Variants in DIAPH1 observed in about 807,000 individuals in gnomAD.
DIAPH1 encodes diaphanous related formin 1.
Under a neutral mutation model 140.7 loss-of-function variants are expected in DIAPH1, and 46 were observed. The observed-to-expected ratio is 0.33, with a 90% CI of 0.26 to 0.42. DIAPH1 has a LOEUF of 0.42. Among genes scored for constraint, DIAPH1 ranks in the 10% least tolerant of loss-of-function variants. DIAPH1 has a pLI of 1.00. For missense variants in DIAPH1, 1,310 were observed against 1,558.7 expected, an observed-to-expected ratio of 0.84 and a Z score of 2.69; for synonymous variants, 565 against 551.6, an observed-to-expected ratio of 1.02 and a Z score of -0.34.
At chr5:141,617,581 C>A (rs909727946) in intron 1 of DIAPH1, among the ~76,000 whole-genome samples, 2 of 152,114 alleles carry the variant, frequency 1.3e-5, no homozygotes, top group African/African-American at 4.8e-5. Context: ...CTAAGAGTTA[C>A]AAGCCATTTG....
chr5:141,535,034 T>C (rs1486922098), intron 18 of DIAPH1, among the ~76,000 whole-genome samples: 1 of 152,200 alleles, frequency 6.6e-6, no homozygotes, highest in East Asian at 1.9e-4. Context: ...CTTGCAGCCT[T>C]GACCTCTTGG....
intron 16 of DIAPH1, 84 bp from the exon 17 acceptor site, chr5:141,572,124 G>C (rs920526828): frequency 3.2e-6 from 3 of 948,304 alleles, no homozygotes; most frequent in Non-Finnish European, 5.2e-6. Flanking sequence ...CTGTAAAATA[G>C]GTGGCTGGCT....
Position 141,545,565 on chromosome 5 carries a change from G to C in DIAPH1, c.2483-11132C>G, listed in dbSNP as rs2099890670. Among the ~76,000 whole-genome samples the C allele has an allele frequency of 2.6e-5, 4 of 152,126 alleles. No individual in the cohort carries two copies. The South Asian group carries it at 8.3e-4, about 32-fold the overall frequency. ...AAGCTGAGGTAGGAGGATCCCCTGA[G>C]CCCAGAAGGCTGAGGCTGCTGTGAG... is the stretch of plus-strand genomic sequence containing the variant. On this transcript the variant is annotated intron_variant, in intron 18 of 27. Transcript: ENST00000389054.
chr5:141,530,541 G>A (rs536650769), intron 19 of DIAPH1, among the ~76,000 whole-genome samples: 1 of 152,188 alleles, frequency 6.6e-6, no homozygotes, highest in South Asian at 2.1e-4. Flanking sequence ...GGGCCTCCGC[G>A]CTGTTAGCAA....
At chr5:141,615,726 G>A (rs1302729053) in intron 1 of DIAPH1, among the ~76,000 whole-genome samples, 1 of 152,040 alleles carries the variant, frequency 6.6e-6, no homozygotes, top group Non-Finnish European at 1.5e-5. Context: ...CTGGGCAACA[G>A]AGCGAGACTC....
intron 14 of DIAPH1, among the ~76,000 whole-genome samples, chr5:141,575,906 G>A (rs1294529477): frequency 6.6e-6 from 1 of 152,174 alleles, no homozygotes; most frequent in African/African-American, 2.4e-5. Context: ...AAGGACCCCA[G>A]TTCCTATTGT....
intron 18 of DIAPH1, among the ~76,000 whole-genome samples, chr5:141,549,070 A>G (rs1407045051): frequency 6.6e-6 from 1 of 152,202 alleles, no homozygotes; most frequent in Admixed American, 6.5e-5. Flanking sequence ...AATAGGGTAT[A>G]TATCAACTCA....
At chr5:141,579,714 C>A (rs549149341) in intron 8 of DIAPH1, among the ~76,000 whole-genome samples, 1 of 152,028 alleles carries the variant, frequency 6.6e-6, no homozygotes, top group Non-Finnish European at 1.5e-5. Flanking sequence ...CTTTGGGAGG[C>A]CGAGGCGGGC....
At chr5:141,600,234 T>C (rs1466829838) in intron 1 of DIAPH1, among the ~76,000 whole-genome samples, 1 of 152,242 alleles carries the variant, frequency 6.6e-6, no homozygotes, top group African/African-American at 2.4e-5. Context: ...AATAGGAACC[T>C]CAGCCCTATA....
chr5:141,574,926 T>C (rs199999742), intron 15 of DIAPH1, 41 bp downstream of exon 15: 2 of 1,611,866 alleles, frequency 1.2e-6, no homozygotes, highest in Non-Finnish European at 1.7e-6. Context: ...ATGTGCATCC[T>C]GAGGTTACAG....
At chr5:141,517,814 AAAG>A (rs2099885921) in intron 27 of DIAPH1, among the ~76,000 whole-genome samples, 1 of 152,166 alleles carries the variant, frequency 6.6e-6, no homozygotes, top group African/African-American at 2.4e-5. Flanking sequence ...CCAGATTAGA[AAAG>A]AAGAACCAAA....
intron 1 of DIAPH1, among the ~76,000 whole-genome samples, chr5:141,604,542 C>G (rs2099900635): frequency 6.6e-6 from 1 of 152,162 alleles, no homozygotes; most frequent in Non-Finnish European, 1.5e-5. Context: ...AGCAGGACAT[C>G]TACTCTTCCT....
intron 7 of DIAPH1, among the ~76,000 whole-genome samples, chr5:141,581,335 G>C (rs545698395): frequency 6.6e-6 from 1 of 152,268 alleles, no homozygotes; most frequent in East Asian, 1.9e-4. Flanking sequence ...TGAAATTCTA[G>C]CCTCTAGAAT....
intron 26 of DIAPH1, among the ~76,000 whole-genome samples, chr5:141,525,064 T>TA (rs1296362530): frequency 1.3e-5 from 2 of 152,170 alleles, no homozygotes; most frequent in African/African-American, 4.8e-5. Flanking sequence ...TCCTAGCCAG[T>TA]ACCTGGGGAC....
chr5:141,527,142 G>A (rs1185665807), intron 24 of DIAPH1, among the ~76,000 whole-genome samples: 1 of 152,076 alleles, frequency 6.6e-6, no homozygotes. Flanking sequence ...GGAGTTGGTG[G>A]GACTTTTATG....
chr5:141,570,645 G>A (rs2099895042), intron 18 of DIAPH1, among the ~76,000 whole-genome samples: 1 of 152,098 alleles, frequency 6.6e-6, no homozygotes, highest in Non-Finnish European at 1.5e-5. Flanking sequence ...ATTGACTAGG[G>A]GGAGGTGGGG....
chr5:141,516,011 T>C lies in DIAPH1; in HGVS notation c.*840A>G, dbSNP rs1316845668. 1 of 152,046 alleles carries C rather than the reference T, an allele frequency of 6.6e-6. No individual in the cohort carries two copies. The highest frequency in any genetic ancestry group is 1.5e-5 in the Non-Finnish European group (1 of 68,026). 9.4% of individuals were successfully genotyped at this position (152,046 alleles called of 1,614,324 possible). A position where few individuals can be genotyped will look rare whatever the true frequency, so the allele number is the denominator to read the frequency against. On this transcript the variant is annotated 3_prime_UTR_variant, in exon 28 of 28. Coordinates refer to ENST00000389054, the MANE Select transcript of DIAPH1 (RefSeq NM_005219.5). ...ATTTCCTTGTAGACAGAGGGTGAGG[T>C]GTTGGGATGGTCACAGTACAACCCA...
At chr5:141,545,460 A>G (rs192427740) in intron 18 of DIAPH1, among the ~76,000 whole-genome samples, 135 of 152,232 alleles carry the variant, frequency 8.9e-4, no homozygotes, top group Non-Finnish European at 1.5e-3. Context: ...AGACCAGCCT[A>G]GGCGACACAG....
At position 141,566,541 on chromosome 5, in the gene DIAPH1, A is replaced by G. The variant is rs539838674; in HGVS notation, c.2482+4887T>C. 8.5e-5 allele frequency among the ~76,000 whole-genome samples: 13 copies of G among 152,342 alleles called. No individual in the cohort carries two copies. In the South Asian group the frequency reaches 2.7e-3, roughly 32 times the overall value. ...TGATCTGAGAGTGGCAATGAATAAC[A>G]AAGATTACATCTACCCCATCTCCAA... On this transcript the variant is annotated intron_variant, in intron 18 of 27. Transcript: ENST00000389054.
Sources: allele counts gnomAD v4.1 joint callset (sites outside exome capture counted in the v4.1 genomes callset), GRCh38; gene constraint gnomAD v4.1.1; transcripts MANE v1.5; gene names NCBI Gene and HGNC (gene_info 2026-07-23, HGNC 2026-07-21).